The following POPDC2 variants were observed in gnomAD, a reference collection of about 807,000 sequenced individuals.
The protein encoded by POPDC2 is popeye domain cAMP effector 2.
In POPDC2, 24 loss-of-function variants were observed where a neutral mutation model predicts 30.5. That is an observed-to-expected ratio of 0.79 (90% confidence interval 0.57 to 1.11). The LOEUF (loss-of-function observed/expected upper bound fraction) is 1.11, where lower values mean the gene tolerates loss of function less well. Ranked by LOEUF, POPDC2 falls within the 50% of genes least tolerant of loss-of-function variation. The pLI is 0.00. For synonymous variants in POPDC2, 185 were observed against 183.3 expected, an observed-to-expected ratio of 1.01 and a Z score of -0.07; for missense variants, 409 against 447.0, an observed-to-expected ratio of 0.91 and a Z score of 0.77.
At chr3:119,643,298 T>C in intron 3 of POPDC2, 1 of 986,190 alleles carries the variant, frequency 1.0e-6, no homozygotes, top group Non-Finnish European at 1.5e-6. Context: ...CAGGCTGACA[T>C]GTGACTTAGC....
rs2052765909 is a variant in POPDC2, at chr3:119,648,171, G to C, written c.1098C>G (p.Tyr366Ter). 2 of 1,528,124 alleles carry C rather than the reference G, an allele frequency of 1.3e-6. No homozygotes were observed. The highest frequency in any genetic ancestry group is 2.4e-5 in the South Asian group (2 of 81,634). 94.7% of individuals were successfully genotyped at this position (1,528,124 alleles called of 1,614,324 possible). Residue 366 changes from tyrosine (Y) to a stop codon, truncating the protein, a stop_gained, in exon 3 of 4, where the codon TAC becomes TAG. Transcript: ENST00000493094. LOFTEE classifies it low-confidence loss of function (END_TRUNC). ...CATGTTAGTTCTCCCTTCACCTCAT[G>C]TACTCCCCATCACTCCTATAATCCA... is the stretch of plus-strand genomic sequence containing the variant. Reference protein sequence around the residue: ...SFMDYRSDGEYMR With the variant: ...SFMDYRSDGE
chr3:119,642,532 G>T lies in POPDC2; in HGVS notation c.*73C>A. 6.2e-7 allele frequency: 1 copy of T among 1,613,128 alleles called. No individual in the cohort carries two copies. The highest frequency in any genetic ancestry group is 1.1e-5 in the South Asian group (1 of 91,020). ...GGGGCCTGTCCCCTGGATATAACTT[G>T]AGAGTAGCTCTGGAGAGGAATTCTA... is the stretch of plus-strand genomic sequence containing the variant. On this transcript the variant is annotated 3_prime_UTR_variant, in exon 4 of 4. Coordinates refer to ENST00000493094, the MANE Select transcript of POPDC2 (RefSeq NM_001369919.2).
In POPDC2 at chr3:119,659,957, C is replaced by T. The variant is rs746507467; in HGVS notation, c.467G>A (p.Arg156His). The T allele has an allele frequency of 2.5e-6, 4 of 1,595,890 alleles. No individual in the cohort carries two copies. Among genetic ancestry groups the T allele is most frequent in the South Asian group, 1.1e-5 (1 of 89,934 alleles). ...YAVEGETPIN[R>H]LSLLLSGRVR... ...CCGGCCAGAGAGCAGCAGGGACAGG[C>T]GGTTGATGGGTGTCTCACCCTCCAC... Residue 156 changes from arginine (R) to histidine (H), a missense_variant, in exon 1 of 4, where the codon CGC (arginine) becomes CAC (histidine). Physicochemically the swap from Arg to His is conservative, Grantham distance 29 (BLOSUM62 0). Coordinates refer to ENST00000493094, the MANE Select transcript of POPDC2 (RefSeq NM_001369919.2).
At chr3:119,651,192 C>T (rs2052803889) in intron 2 of POPDC2, among the ~76,000 whole-genome samples, 1 of 152,200 alleles carries the variant, frequency 6.6e-6, no homozygotes, top group Non-Finnish European at 1.5e-5. Flanking sequence ...CTGGCCCCAC[C>T]TCAGGGCCTT....
chr3:119,647,358 C>T (rs2052757043), intron 3 of POPDC2, among the ~76,000 whole-genome samples: 1 of 152,180 alleles, frequency 6.6e-6, no homozygotes, highest in East Asian at 1.9e-4. Flanking sequence ...AGAGCAATTT[C>T]CCAGAACCAC....
chr3:119,648,074 C>G (rs2052764638), intron 3 of POPDC2, 45 bp downstream of exon 3: 2 of 1,386,802 alleles, frequency 1.4e-6, no homozygotes, highest in African/African-American at 1.5e-5. Context: ...GAGTTAAGGC[C>G]AGCCATTGAC....
At chr3:119,643,542 T>C in intron 3 of POPDC2, 1 of 885,662 alleles carries the variant, frequency 1.1e-6, no homozygotes. Flanking sequence ...TAACTAGTGC[T>C]TCAGAGCTTA....
At chr3:119,649,796 A>T (rs1273147498) in intron 2 of POPDC2, among the ~76,000 whole-genome samples, 2 of 152,004 alleles carry the variant, frequency 1.3e-5, no homozygotes, top group Admixed American at 1.3e-4. Context: ...TGCCTACTGG[A>T]TCTCCCATTA....
At position 119,648,988 on chromosome 3, in the gene POPDC2, C is replaced by T. The variant is rs192164217; in HGVS notation, c.601-320G>A. ...CCGTGGCTAATGCCACTAATGACTGCAGAAAGTTCTGAGTCTTATGATTTT... is the reference window on the plus strand; with the variant it reads ...CCGTGGCTAATGCCACTAATGACTGTAGAAAGTTCTGAGTCTTATGATTTT... On this transcript the variant is annotated intron_variant, in intron 2 of 3. Transcript: ENST00000493094. Among the ~76,000 whole-genome samples the T allele has an allele frequency of 6.4e-3, 969 of 152,298 alleles. 3 individuals carry two copies. The highest frequency in any genetic ancestry group is 0.012 in the Non-Finnish European group (788 of 68,038).
chr3:119,657,111 T>C (rs572300299), intron 1 of POPDC2, among the ~76,000 whole-genome samples: 4 of 152,206 alleles, frequency 2.6e-5, no homozygotes, highest in African/African-American at 9.7e-5. Flanking sequence ...GCAAAGGGTA[T>C]TGAGAAGCAG....
Position 119,648,382 on chromosome 3 carries a change from G to A in POPDC2, c.887C>T (p.Pro296Leu). The A allele has an allele frequency of 6.2e-7, 1 of 1,614,164 alleles. No homozygotes were observed. The highest frequency in any genetic ancestry group is 8.5e-7 in the Non-Finnish European group (1 of 1,180,026). The part of the protein sequence containing the change: ...DEEVCEPAVS[P>L]PQATPTSLQQ... ...GAGAGAGGTGGGTGTGGCCTGAGGA[G>A]GGGACACAGCTGGCTCACAGACTTC... The change falls in exon 3 of 4, where the codon CCT (proline) becomes CTT (leucine). Residue 296 changes from proline to leucine, a missense_variant. Transcript: ENST00000493094.
intron 2 of POPDC2, among the ~76,000 whole-genome samples, chr3:119,649,233 C>T (rs1001079251): frequency 1.3e-5 from 2 of 152,072 alleles, no homozygotes; most frequent in Middle Eastern, 3.4e-3. Context: ...CGAAATTGCT[C>T]GTAACTTGGC....
intron 2 of POPDC2, among the ~76,000 whole-genome samples, chr3:119,653,516 C>T (rs898853617): frequency 6.6e-6 from 1 of 150,504 alleles, no homozygotes; most frequent in Non-Finnish European, 1.5e-5. Context: ...CTCACTCTGT[C>T]GCCCAGGCTG....
intron 2 of POPDC2, among the ~76,000 whole-genome samples, chr3:119,650,671 C>T (rs765695838): frequency 3.3e-5 from 5 of 152,178 alleles, no homozygotes; most frequent in East Asian, 1.9e-4. Flanking sequence ...CCCAGGGCTC[C>T]GCTCTTGAAC....
intron 2 of POPDC2, among the ~76,000 whole-genome samples, chr3:119,649,404 A>C (rs980421448): frequency 1.3e-5 from 2 of 152,210 alleles, no homozygotes; most frequent in Non-Finnish European, 2.9e-5. Context: ...TGCAAAGCTA[A>C]ATTACGCTTG....
At chr3:119,658,560 G>A (rs1302210900) in intron 1 of POPDC2, among the ~76,000 whole-genome samples, 11 of 152,212 alleles carry the variant, frequency 7.2e-5, no homozygotes. Flanking sequence ...TCTCATGAAT[G>A]AGCAAGTTCC....
Position 119,648,536 on chromosome 3 carries a change from G to A in POPDC2, c.733C>T (p.Leu245Phe), listed in dbSNP as rs1423451156. 1.2e-6 allele frequency: 2 copies of A among 1,613,194 alleles called. No homozygotes were observed. The highest frequency in any genetic ancestry group is 2.7e-5 in the African/African-American group (2 of 74,574). The change falls in exon 3 of 4, where the codon CTC (leucine) becomes TTC (phenylalanine). Residue 245 changes from leucine to phenylalanine, a missense_variant. By Grantham distance (22) the Leu-to-Phe change is conservative. Coordinates refer to ENST00000493094, the MANE Select transcript of POPDC2 (RefSeq NM_001369919.2). ...ALLGYDISEK[L>F]YTLNDKLFAK... is the part of the protein sequence containing the mutation. ...AAGAGCTTGTCATTGAGAGTGTAGAGCTTCTCTGAGATGTCATATCCCAGC... is the reference window on the plus strand; with the variant it reads ...AAGAGCTTGTCATTGAGAGTGTAGAACTTCTCTGAGATGTCATATCCCAGC...
chr3:119,653,546 C>G (rs577284782), intron 2 of POPDC2, among the ~76,000 whole-genome samples: 2 of 151,596 alleles, frequency 1.3e-5, no homozygotes, highest in Admixed American at 6.6e-5. Context: ...GGCGCAATCT[C>G]GGCTCACTGC....
intron 2 of POPDC2, among the ~76,000 whole-genome samples, chr3:119,652,629 C>T (rs2052825812): frequency 6.6e-6 from 1 of 152,210 alleles, no homozygotes; most frequent in African/African-American, 2.4e-5. Flanking sequence ...GTGTCAGTGT[C>T]AGAAAGAGGC....
Sources: allele counts gnomAD v4.1 joint callset (sites outside exome capture counted in the v4.1 genomes callset), GRCh38; gene constraint gnomAD v4.1.1; transcripts MANE v1.5; gene names NCBI Gene and HGNC (gene_info 2026-07-23, HGNC 2026-07-21).